Variants in YES1 observed in about 807,000 individuals in gnomAD.
The protein encoded by YES1 is YES proto-oncogene 1, Src family tyrosine kinase, also known as tyrosine-protein kinase Yes.
YES1 carries 39 observed loss-of-function variants against 70.4 expected under a neutral mutation model. That is an observed-to-expected ratio of 0.55 (90% CI 0.43 to 0.72). YES1 has a LOEUF of 0.72. Among genes scored for constraint, YES1 ranks in the 30% least tolerant of loss-of-function variants. The pLI is 0.00. For synonymous variants in YES1, 198 were observed against 218.6 expected, an observed-to-expected ratio of 0.91 and a Z score of 0.83; for missense variants, 495 against 644.8, an observed-to-expected ratio of 0.77 and a Z score of 2.52.
chr18:775,899 C>A (rs1250836354), intron 1 of YES1, among the ~76,000 whole-genome samples: 1 of 152,144 alleles, frequency 6.6e-6, no homozygotes, highest in Non-Finnish European at 1.5e-5. Flanking sequence ...TTATCAGGAA[C>A]AGCTGTACTT....
At chr18:807,693 G>T (rs1333970385) in intron 1 of YES1, among the ~76,000 whole-genome samples, 9 of 152,120 alleles carry the variant, frequency 5.9e-5, no homozygotes, top group East Asian at 1.9e-4. Flanking sequence ...GATAAAGAAA[G>T]AACAAAAGGA....
At chr18:801,162 A>AAAAAAT (rs1292533419) in intron 1 of YES1, among the ~76,000 whole-genome samples, 1 of 152,000 alleles carries the variant, frequency 6.6e-6, no homozygotes, top group East Asian at 1.9e-4. Context: ...ATATAAAAAT[A>AAAAAAT]AAAAATAAAA....
intron 1 of YES1, among the ~76,000 whole-genome samples, chr18:794,008 C>G: frequency 6.6e-6 from 1 of 152,190 alleles, no homozygotes; most frequent in Middle Eastern, 3.2e-3. Flanking sequence ...ATTCAGCACA[C>G]GTATCCCAGA....
intron 1 of YES1, among the ~76,000 whole-genome samples, chr18:769,206 C>T (rs1417694447): frequency 6.6e-6 from 1 of 152,162 alleles, no homozygotes; most frequent in African/African-American, 2.4e-5. Context: ...CGCCTGATGA[C>T]ACAATGTCAG....
intron 11 of YES1, among the ~76,000 whole-genome samples, chr18:730,802 G>T (rs1270782827): frequency 6.6e-6 from 1 of 152,170 alleles, no homozygotes; most frequent in Non-Finnish European, 1.5e-5. Context: ...AGCTAAAACT[G>T]AAAGTTCCTC....
intron 1 of YES1, among the ~76,000 whole-genome samples, chr18:766,050 A>C (rs1163377501): frequency 1.3e-5 from 2 of 152,234 alleles, no homozygotes; most frequent in Non-Finnish European, 2.9e-5. Flanking sequence ...AGTGTAATCA[A>C]ATACAGTTGC....
At chr18:797,879 T>C (rs1168889891) in intron 1 of YES1, 1 of 152,210 alleles carries the variant, frequency 6.6e-6, no homozygotes, top group Non-Finnish European at 1.5e-5. Context: ...ATAATTCTTC[T>C]AGACCTAGAG....
chr18:734,283 G>C (rs750010373), intron 10 of YES1, among the ~76,000 whole-genome samples: 3 of 144,870 alleles, frequency 2.1e-5, no homozygotes, highest in Non-Finnish European at 4.5e-5. Flanking sequence ...GGCCAGGCGC[G>C]GTGGCTCACG....
intron 1 of YES1, among the ~76,000 whole-genome samples, chr18:803,992 A>C (rs1255359890): frequency 3.9e-5 from 6 of 152,222 alleles, no homozygotes; most frequent in African/African-American, 1.2e-4. Flanking sequence ...CAAAACATCA[A>C]CTTACAAACT....
At chr18:746,978 C>T (rs1341850707) in intron 4 of YES1, among the ~76,000 whole-genome samples, 1 of 152,138 alleles carries the variant, frequency 6.6e-6, no homozygotes, top group Admixed American at 6.6e-5. Flanking sequence ...GAATTAGTGC[C>T]TCAAATACTT....
chr18:792,887 C>T (rs1292767961), intron 1 of YES1, among the ~76,000 whole-genome samples: 1 of 151,888 alleles, frequency 6.6e-6, no homozygotes, highest in East Asian at 1.9e-4. Context: ...TAAATCAACA[C>T]CCACCCCTAC....
chr18:734,539 G>A (rs2080129677), intron 10 of YES1, among the ~76,000 whole-genome samples: 1 of 152,050 alleles, frequency 6.6e-6, no homozygotes, highest in African/African-American at 2.4e-5. Flanking sequence ...CTGGGTGACA[G>A]AGTGAGACTC....
At chr18:784,906 C>T (rs565797220) in intron 1 of YES1, among the ~76,000 whole-genome samples, 3 of 152,198 alleles carry the variant, frequency 2.0e-5, no homozygotes, top group African/African-American at 4.8e-5. Context: ...TCAAAGGTTC[C>T]GAGAATTCAC....
chr18:790,332 C>T (rs1278644553), intron 1 of YES1, among the ~76,000 whole-genome samples: 2 of 152,294 alleles, frequency 1.3e-5, no homozygotes, highest in Non-Finnish European at 2.9e-5. Context: ...GCCGAGATGG[C>T]GTCACTGAAC....
chr18:745,802 T>G lies in YES1; in HGVS notation c.630A>C (p.Lys210Asn). The change falls in exon 6 of 12, where the codon AAA becomes AAC. Residue 210 changes from lysine to asparagine, a missense_variant. Lys to Asn is a moderately conservative substitution (Grantham distance 94, BLOSUM62 0). Transcript: ENST00000314574. ...DWDEIRGDNVKHYKIRKLDNG... is the reference protein window; with the variant it reads ...DWDEIRGDNVNHYKIRKLDNG... The stretch of plus-strand genomic sequence containing the variant: ...TGTCAAGTTTCCTAATTTTGTAGTG[T>G]TTCACATTGTCACCCCTTATCTCAT... The G allele has an allele frequency of 6.2e-7, 1 of 1,613,112 alleles. No individual in the cohort carries two copies. Among genetic ancestry groups the G allele is most frequent in the Non-Finnish European group, 8.5e-7 (1 of 1,179,826 alleles).
intron 11 of YES1, among the ~76,000 whole-genome samples, chr18:725,177 C>T (rs2080002744): frequency 6.7e-6 from 1 of 149,124 alleles, no homozygotes; most frequent in Non-Finnish European, 1.5e-5. Flanking sequence ...CTTTGTAATC[C>T]CCCCTTCCTC....
At chr18:781,362 A>T (rs1905659806) in intron 1 of YES1, among the ~76,000 whole-genome samples, 1 of 151,622 alleles carries the variant, frequency 6.6e-6, no homozygotes, top group Admixed American at 6.6e-5. Context: ...AATGTACCAT[A>T]CTGTTTTCAT....
chr18:794,103 G>A (rs995644291), intron 1 of YES1, among the ~76,000 whole-genome samples: 1 of 152,174 alleles, frequency 6.6e-6, no homozygotes, highest in African/African-American at 2.4e-5. Context: ...TTACTAAAAA[G>A]AGAAATATGT....
At chr18:758,880 A>T (rs186298779) in intron 1 of YES1, among the ~76,000 whole-genome samples, 1 of 152,324 alleles carries the variant, frequency 6.6e-6, no homozygotes, top group East Asian at 1.9e-4. Flanking sequence ...GCATTATTCT[A>T]TTCACTGTCT....
Sources: allele counts gnomAD v4.1 joint callset (sites outside exome capture counted in the v4.1 genomes callset), GRCh38; gene constraint gnomAD v4.1.1; transcripts MANE v1.5; gene names NCBI Gene and HGNC (gene_info 2026-07-23, HGNC 2026-07-21).